The following KHDRBS2 variants were observed in gnomAD, a reference collection of about 807,000 sequenced individuals.
The protein encoded by KHDRBS2 is KH domain-containing, RNA-binding, signal transduction-associated protein 2.
In KHDRBS2, 26 loss-of-function variants were observed where a neutral mutation model predicts 44.3. The ratio of observed to expected loss-of-function variants is 0.59; its 90% confidence interval spans 0.43 to 0.81. The LOEUF (loss-of-function observed/expected upper bound fraction) is 0.81. Among genes scored for constraint, KHDRBS2 ranks in the 40% least tolerant of loss-of-function variants. KHDRBS2 has a pLI of 0.00. For synonymous variants in KHDRBS2, 194 were observed against 151.1 expected (o/e 1.28, Z -2.08); for missense variants, 476 against 433.1 (o/e 1.10, Z -0.88).
chr6:62,009,008 A>T (rs1348523563), intron 3 of KHDRBS2, among the ~76,000 whole-genome samples: 1 of 152,178 alleles, frequency 6.6e-6, no homozygotes, highest in Non-Finnish European at 1.5e-5. Flanking sequence ...GAAAATGTGG[A>T]AGTGACTTTG....
chr6:62,275,886 T>C (rs1180724829), intron 1 of KHDRBS2, among the ~76,000 whole-genome samples: 3 of 152,176 alleles, frequency 2.0e-5, no homozygotes, highest in Non-Finnish European at 2.9e-5. Flanking sequence ...ATAGGGACAA[T>C]ATTAGCTGCC....
At chr6:62,156,940 C>T (rs1421204878) in intron 2 of KHDRBS2, among the ~76,000 whole-genome samples, 2 of 150,848 alleles carry the variant, frequency 1.3e-5, no homozygotes, top group Non-Finnish European at 3.0e-5. Flanking sequence ...CCGCCTCGGC[C>T]TCCCAAAGTG....
intron 4 of KHDRBS2, among the ~76,000 whole-genome samples, chr6:61,950,622 T>C (rs928565850): frequency 2.0e-5 from 3 of 152,060 alleles, no homozygotes; most frequent in African/African-American, 7.2e-5. Context: ...TTTGAAGTTA[T>C]TGTCTTCCCT....
At chr6:61,674,297 A>G in the KHDRBS2 span, among the ~76,000 whole-genome samples, 503 of 151,852 alleles carry the variant, frequency 3.3e-3, 2 homozygotes, top group Non-Finnish European at 4.8e-3. Flanking sequence ...ATTGCTGCAG[A>G]ACAGAAATTA....
intron 4 of KHDRBS2, among the ~76,000 whole-genome samples, chr6:61,950,994 T>C (rs1437051805): frequency 6.6e-6 from 1 of 152,008 alleles, no homozygotes; most frequent in Non-Finnish European, 1.5e-5. Flanking sequence ...ACTTTTATAT[T>C]TTTCCTTCCA....
At chr6:61,967,408 TAGATAGAC>T (rs767683424) in intron 4 of KHDRBS2, among the ~76,000 whole-genome samples, 5,249 of 151,690 alleles carry the variant, frequency 0.035, 301 homozygotes, top group African/African-American at 0.12. Context: ...AGATGATAGA[TAGATAGAC>T]AGATAGATAG....
At chr6:61,697,308 G>T in intron 7 of KHDRBS2, 55 bp from the exon 8 acceptor site, 1 of 1,127,978 alleles carries the variant, frequency 8.9e-7, no homozygotes, top group Non-Finnish European at 1.4e-6. Flanking sequence ...ATTCAACCCA[G>T]AAACTCATAT....
At chr6:61,867,575 A>G (rs549818685) in intron 6 of KHDRBS2, among the ~76,000 whole-genome samples, 1 of 152,240 alleles carries the variant, frequency 6.6e-6, no homozygotes, top group East Asian at 1.9e-4. Context: ...ATCCTATCTC[A>G]TCTTTGTGGG....
At chr6:61,798,958 T>A (rs1439615194) in intron 6 of KHDRBS2, among the ~76,000 whole-genome samples, 1 of 151,980 alleles carries the variant, frequency 6.6e-6, no homozygotes, top group Admixed American at 6.6e-5. Context: ...ATGACAATGA[T>A]GAAGACAGCC....
intron 3 of KHDRBS2, among the ~76,000 whole-genome samples, chr6:62,015,728 A>T (rs1182074435): frequency 6.6e-6 from 1 of 152,224 alleles, no homozygotes; most frequent in Non-Finnish European, 1.5e-5. Context: ...AAAATGTTTG[A>T]AAAGATAAAG....
chr6:62,252,961 A>C (rs1408880177), intron 1 of KHDRBS2, among the ~76,000 whole-genome samples: 1 of 152,082 alleles, frequency 6.6e-6, no homozygotes, highest in African/African-American at 2.4e-5. Flanking sequence ...ACTATAGAGC[A>C]ACTGAAGCAA....
intron 4 of KHDRBS2, among the ~76,000 whole-genome samples, chr6:61,939,396 T>C (rs1405859770): frequency 6.6e-6 from 1 of 152,208 alleles, no homozygotes; most frequent in Non-Finnish European, 1.5e-5. Context: ...ATGGTTATTT[T>C]TAATTTTCTG....
intron 6 of KHDRBS2, among the ~76,000 whole-genome samples, chr6:61,736,103 CT>C (rs1393864513): frequency 1.0e-4 from 15 of 143,476 alleles, no homozygotes; most frequent in African/African-American, 3.8e-4. Context: ...TTCTTTCTTT[CT>C]TTCTTTTTTT....
At chr6:62,063,522 C>G (rs950281121) in intron 2 of KHDRBS2, among the ~76,000 whole-genome samples, 3 of 151,446 alleles carry the variant, frequency 2.0e-5, no homozygotes, top group African/African-American at 7.3e-5. Context: ...GAGCCACAGA[C>G]AAAAACCACA....
intron 7 of KHDRBS2, among the ~76,000 whole-genome samples, chr6:61,705,929 T>A (rs1769463928): frequency 1.3e-5 from 2 of 151,898 alleles, no homozygotes; most frequent in African/African-American, 4.8e-5. Flanking sequence ...TGCTATTATT[T>A]GCTTATCTGT....
chr6:61,969,873 G>A (rs1313332033), intron 4 of KHDRBS2, among the ~76,000 whole-genome samples: 1 of 151,458 alleles, frequency 6.6e-6, no homozygotes, highest in Non-Finnish European at 1.5e-5. Context: ...CTAAATGAGA[G>A]GTGTGTTTCA....
In KHDRBS2 at chr6:62,165,058, A is replaced by G. The variant is rs562367028; in HGVS notation, c.219+12127T>C. ...TTTCAAATATTCATATACATTTAGA[A>G]TTTTCTTTTTGATTTTAGTAATTAA... On this transcript the variant is annotated intron_variant, in intron 2 of 8. Coordinates refer to ENST00000281156, the MANE Select transcript of KHDRBS2 (RefSeq NM_152688.4). Among the ~76,000 whole-genome samples, 319 of 151,794 alleles carry G rather than the reference A, an allele frequency of 2.1e-3. 1 individual carries two copies. Among genetic ancestry groups the G allele is most frequent in the African/African-American group, 7.2e-3 (300 of 41,464 alleles).
intron 6 of KHDRBS2, among the ~76,000 whole-genome samples, chr6:61,792,578 G>GT (rs955228462): frequency 6.0e-5 from 9 of 150,480 alleles, no homozygotes; most frequent in African/African-American, 7.3e-5. Flanking sequence ...TAGAGTGATA[G>GT]TTTTTTTTTA....
intron 4 of KHDRBS2, among the ~76,000 whole-genome samples, chr6:61,937,968 T>C (rs1235165420): frequency 1.3e-5 from 2 of 152,140 alleles, no homozygotes; most frequent in Admixed American, 6.6e-5. Flanking sequence ...GTGAATTGGG[T>C]AATAGGAGTT....
Sources: allele counts gnomAD v4.1 joint callset (sites outside exome capture counted in the v4.1 genomes callset), GRCh38; gene constraint gnomAD v4.1.1; transcripts MANE v1.5; gene names NCBI Gene and HGNC (gene_info 2026-07-23, HGNC 2026-07-21).